The following DLG2 variants were observed in gnomAD, a reference collection of about 807,000 sequenced individuals.
DLG2 encodes disks large homolog 2.
A neutral mutation model predicts 132.5 loss-of-function variants in DLG2; 45 were observed. That is an observed-to-expected ratio of 0.34 (90% confidence interval 0.27 to 0.44). DLG2 has a LOEUF of 0.44. Ranked by LOEUF, DLG2 falls within the 20% of genes least tolerant of loss-of-function variation. The pLI is 1.00. For missense variants in DLG2, 1,045 were observed against 1,196.9 expected, an observed-to-expected ratio of 0.87 and a Z score of 1.87; for synonymous variants, 424 against 419.6, an observed-to-expected ratio of 1.01 and a Z score of -0.13.
chr11:85,507,736 G>T (rs2093967822), intron 3 of DLG2, among the ~76,000 whole-genome samples: 2 of 152,176 alleles, frequency 1.3e-5, no homozygotes, highest in South Asian at 4.2e-4. Flanking sequence ...TGTATTTCCT[G>T]AATTTGAATG....
chr11:84,775,621 C>T (rs2070328623), intron 6 of DLG2, among the ~76,000 whole-genome samples: 1 of 152,078 alleles, frequency 6.6e-6, no homozygotes, highest in Non-Finnish European at 1.5e-5. Flanking sequence ...TTTGCAGCAA[C>T]ATGGATGCAG....
chr11:85,553,477 C>A (rs1289390173), intron 3 of DLG2, among the ~76,000 whole-genome samples: 1 of 150,922 alleles, frequency 6.6e-6, no homozygotes, highest in South Asian at 2.1e-4. Flanking sequence ...ACACCATGCC[C>A]GGCTAATCTG....
At chr11:84,630,348 G>T (rs1323999330) in intron 6 of DLG2, among the ~76,000 whole-genome samples, 2 of 152,098 alleles carry the variant, frequency 1.3e-5, no homozygotes, top group Non-Finnish European at 2.9e-5. Context: ...GTTAGGTTTG[G>T]GGTAGCTCTT....
chr11:84,207,177 T>C (rs2096681375), intron 8 of DLG2, among the ~76,000 whole-genome samples: 3 of 151,854 alleles, frequency 2.0e-5, no homozygotes, highest in African/African-American at 7.2e-5. Flanking sequence ...TATACCACGC[T>C]TATGGGCTGG....
At chr11:84,894,643 G>A (rs2089938782) in intron 6 of DLG2, among the ~76,000 whole-genome samples, 1 of 152,172 alleles carries the variant, frequency 6.6e-6, no homozygotes, top group Admixed American at 6.5e-5. Flanking sequence ...ATTCTTTGAA[G>A]AGTAAGTAGC....
intron 6 of DLG2, among the ~76,000 whole-genome samples, chr11:84,728,519 G>T (rs1489117400): frequency 1.3e-5 from 2 of 152,096 alleles, no homozygotes; most frequent in African/African-American, 4.8e-5. Flanking sequence ...CCTTCGCATC[G>T]ATGTTCATCA....
chr11:84,913,044 A>G (rs1331589750), intron 6 of DLG2, among the ~76,000 whole-genome samples: 2 of 152,208 alleles, frequency 1.3e-5, no homozygotes, highest in African/African-American at 4.8e-5. Context: ...AGAGGCAGAA[A>G]GAGACAAAGT....
chr11:83,530,263 A>T (rs1356617574), intron 21 of DLG2, among the ~76,000 whole-genome samples: 2 of 152,082 alleles, frequency 1.3e-5, no homozygotes, highest in Non-Finnish European at 2.9e-5. Flanking sequence ...ATGTAGAATG[A>T]CATCCTATGT....
rs73509205 is a variant in DLG2, at chr11:83,656,822, G to T, written c.1826-23497C>A. On this transcript the variant is annotated intron_variant, in intron 18 of 27. Transcript: ENST00000376104. Reference sequence around the variant, plus strand: ...ACCAATACGGGATGATGATGCTTAGGTTGTCAACCCCTTTGCTTAGCACTC... The same window carrying T: ...ACCAATACGGGATGATGATGCTTAGTTTGTCAACCCCTTTGCTTAGCACTC... 3.1e-3 allele frequency among the ~76,000 whole-genome samples: 473 copies of T among 152,208 alleles called. 3 individuals carry two copies. Among genetic ancestry groups the T allele is most frequent in the African/African-American group, 0.011 (458 of 41,518 alleles).
intron 6 of DLG2, among the ~76,000 whole-genome samples, chr11:84,564,900 G>A (rs2154526776): frequency 6.6e-6 from 1 of 152,240 alleles, no homozygotes; most frequent in Admixed American, 6.5e-5. Context: ...GACTTTATAA[G>A]GTGAAATGGT....
intron 11 of DLG2, among the ~76,000 whole-genome samples, chr11:84,007,583 C>A (rs2094634372): frequency 6.6e-6 from 1 of 151,606 alleles, no homozygotes; most frequent in Admixed American, 6.6e-5. Context: ...CATAATTGAA[C>A]ATCTTTAATG....
intron 19 of DLG2, among the ~76,000 whole-genome samples, chr11:83,627,400 T>C (rs932055327): frequency 4.6e-5 from 7 of 151,952 alleles, no homozygotes; most frequent in African/African-American, 1.7e-4. Flanking sequence ...TGTGTGATGT[T>C]CCCCTTCCTG....
chr11:83,524,139 C>G (rs965799108), intron 21 of DLG2, among the ~76,000 whole-genome samples: 1 of 152,166 alleles, frequency 6.6e-6, no homozygotes, highest in African/African-American at 2.4e-5. Context: ...TAGTACTTTA[C>G]ATATATTGTA....
rs542725096 is a variant in DLG2 at position 84,482,745 on chromosome 11, G to C, written c.519+51825C>G. ...TCCCCAAAGATGAAGTCCTTTGAGA[G>C]CCCAAATATTATCTTATTCCTAGTT... On this transcript the variant is annotated intron_variant, in intron 7 of 27. Coordinates refer to ENST00000376104, the MANE Select transcript of DLG2 (RefSeq NM_001142699.3). 2.0e-5 allele frequency among the ~76,000 whole-genome samples: 3 copies of C among 152,268 alleles called. No individual in the cohort carries two copies. In the East Asian group the frequency reaches 5.8e-4, roughly 29 times the overall value.
intron 3 of DLG2, among the ~76,000 whole-genome samples, chr11:85,383,318 A>G (rs528309253): frequency 6.6e-6 from 1 of 152,250 alleles, no homozygotes; most frequent in African/African-American, 2.4e-5. Context: ...AGGATAGGGG[A>G]TGTGAGGAGT....
intron 7 of DLG2, among the ~76,000 whole-genome samples, chr11:84,337,911 G>A (rs184106648): frequency 6.6e-6 from 1 of 152,176 alleles, no homozygotes; most frequent in Non-Finnish European, 1.5e-5. Context: ...ATTTCACTGA[G>A]AGCTGGCAAT....
At chr11:85,006,134 T>G (rs1487699057) in intron 6 of DLG2, among the ~76,000 whole-genome samples, 3 of 152,188 alleles carry the variant, frequency 2.0e-5, no homozygotes, top group African/African-American at 7.2e-5. Context: ...GCCCATAGTT[T>G]ATTGAGGATT....
intron 17 of DLG2, among the ~76,000 whole-genome samples, chr11:83,827,486 G>T (rs1299996303): frequency 6.6e-6 from 1 of 152,092 alleles, no homozygotes; most frequent in Admixed American, 6.5e-5. Context: ...TGGAAATCCA[G>T]TTACCTATTA....
chr11:85,128,923 T>A (rs983292549), intron 5 of DLG2, among the ~76,000 whole-genome samples: 1 of 152,222 alleles, frequency 6.6e-6, no homozygotes, highest in African/African-American at 2.4e-5. Context: ...GGAATTGTGC[T>A]AAGTACTTTA....
Sources: gnomAD v4.1 joint callset for allele counts (sites outside exome capture counted in the v4.1 genomes callset) on GRCh38, gnomAD v4.1.1 for gene constraint, MANE v1.5 for transcripts, NCBI Gene and HGNC (gene_info 2026-07-23, HGNC 2026-07-21) for gene names.